AGXT: variants seen among roughly 807,000 people sequenced by gnomAD.
AGXT encodes the protein L-alanine: glyoxylate aminotransferase 1.
Under a neutral mutation model 46.9 loss-of-function variants are expected in AGXT, and 41 were observed. The observed-to-expected ratio is 0.88, with a 90% CI of 0.68 to 1.14. AGXT has a LOEUF of 1.14. Among genes scored for constraint, AGXT ranks in the 50% most tolerant of loss-of-function variants. AGXT has a pLI of 0.00. For synonymous variants in AGXT, 244 were observed against 227.9 expected, an observed-to-expected ratio of 1.07 and a Z score of -0.64; for missense variants, 525 against 522.7, an observed-to-expected ratio of 1.00 and a Z score of -0.04.
At chr2:240,869,906 C>G (rs958430736) in intron 2 of AGXT, among the ~76,000 whole-genome samples, 2 of 152,154 alleles carry the variant, frequency 1.3e-5, no homozygotes, top group Non-Finnish European at 2.9e-5. Context: ...TGAGGGACAT[C>G]AGCTTGGTGA....
chr2:240,870,587 A>T (rs533474445), intron 2 of AGXT, 57 bp from the exon 3 acceptor site: 170 of 1,544,398 alleles, frequency 1.1e-4, no homozygotes, highest in Admixed American at 1.0e-3. Flanking sequence ...CGGGTGCCCA[A>T]CACTGGCTTC....
chr2:240,875,479 G>T (rs1048714147), intron 7 of AGXT, among the ~76,000 whole-genome samples: 5 of 152,198 alleles, frequency 3.3e-5, no homozygotes, highest in Non-Finnish European at 5.9e-5. Context: ...ACACCCTCGG[G>T]CACTTTGGAC....
intron 2 of AGXT, among the ~76,000 whole-genome samples, chr2:240,869,766 T>G (rs1246497738): frequency 1.3e-5 from 2 of 152,196 alleles, no homozygotes; most frequent in African/African-American, 2.4e-5. Context: ...TCAGCAGCCT[T>G]CCTTCTGGAA....
chr2:240,869,628 G>A (rs759803516), intron 2 of AGXT, among the ~76,000 whole-genome samples: 24 of 152,158 alleles, frequency 1.6e-4, no homozygotes, highest in Non-Finnish European at 3.1e-4. Flanking sequence ...TGTGCAGGAC[G>A]GAACTACAGG....
At position 240,880,273 on chromosome 2, in the gene AGXT, A is replaced by T; in HGVS notation, c.*1452A>T. 6.6e-6 allele frequency: 1 copy of T among 151,956 alleles called. No individual in the cohort carries two copies. Among genetic ancestry groups the T allele is most frequent in the East Asian group, 1.9e-4 (1 of 5,186 alleles). The allele number at this position is 151,956 out of a possible 1,614,324, so 9.4% of individuals were successfully genotyped here. A position where few individuals can be genotyped will look rare whatever the true frequency, so the allele number is the denominator to read the frequency against. Reference sequence around the variant, plus strand: ...AGCGTCCAGGGTGCTCCACGTCCTCACCCACACTCCATGTTGTCTTTTTTT... The same window carrying T: ...AGCGTCCAGGGTGCTCCACGTCCTCTCCCACACTCCATGTTGTCTTTTTTT... On this transcript the variant is annotated 3_prime_UTR_variant, in exon 11 of 11. Coordinates refer to ENST00000307503, the MANE Select transcript of AGXT (RefSeq NM_000030.3).
rs750756092 is a variant in AGXT at position 240,878,092 on chromosome 2, A to T, written c.1013A>T (p.Tyr338Phe). ...AGYDWRDIVS[Y>F]VIDHFDIEIM... ...TATGACTGGAGAGACATCGTCAGCT[A>T]CGTCATAGACCACTTCGACATTGAG... The change falls in exon 10 of 11, where the codon TAC (tyrosine) becomes TTC (phenylalanine). Residue 338 changes from tyrosine to phenylalanine, a missense_variant. By Grantham distance (22) the Tyr-to-Phe change is conservative (BLOSUM62 3). Transcript: ENST00000307503. 6.2e-7 allele frequency: 1 copy of T among 1,613,364 alleles called. No individual in the cohort carries two copies. Among genetic ancestry groups the T allele is most frequent in the Non-Finnish European group, 8.5e-7 (1 of 1,180,006 alleles).
At chr2:240,875,006 C>A in intron 6 of AGXT, 103 bp from the exon 7 acceptor site, 1 of 1,095,742 alleles carries the variant, frequency 9.1e-7, no homozygotes, top group Non-Finnish European at 1.4e-6. Flanking sequence ...CTCCTGGGGG[C>A]CCCACCCCGT....
intron 3 of AGXT, 138 bp downstream of exon 3, chr2:240,870,846 G>T (rs900012101): frequency 1.0e-4 from 82 of 819,222 alleles, no homozygotes; most frequent in Non-Finnish European, 1.5e-4. Flanking sequence ...GCCCATCCTA[G>T]CATCTGGTGA....
In AGXT at chr2:240,871,421, C is replaced by A. The variant is rs543832032; in HGVS notation, c.496C>A (p.Leu166Ile). 4 of 1,597,678 alleles carry A rather than the reference C, an allele frequency of 2.5e-6. No homozygotes were observed. In the East Asian group the frequency reaches 9.1e-5, roughly 36 times the overall value. The part of the protein sequence containing the change: ...GESSTGVLQP[L>I]DGFGELCHRY... ...GTCGTCCACCGGCGTGCTGCAGCCCCTTGATGGCTTCGGGGAACTCTGCCA... is the reference window on the plus strand; with the variant it reads ...GTCGTCCACCGGCGTGCTGCAGCCCATTGATGGCTTCGGGGAACTCTGCCA... The change falls in exon 4 of 11, where the codon CTT (leucine) becomes ATT (isoleucine). Residue 166 changes from leucine (L) to isoleucine (I), a missense_variant. Transcript: ENST00000307503.
rs1354001671 is a variant in AGXT, at chr2:240,880,035, A to G, written c.*1214A>G. On this transcript the variant is annotated 3_prime_UTR_variant, in exon 11 of 11. Coordinates refer to ENST00000307503, the MANE Select transcript of AGXT (RefSeq NM_000030.3). ...TCATGATTTGTTGGTTCATCACCAT[A>G]GTTGAGCATCTGGGTTATTTCTATT... 6.6e-6 allele frequency: 1 copy of G among 152,224 alleles called. No individual in the cohort carries two copies. Among genetic ancestry groups the G allele is most frequent in the Non-Finnish European group, 1.5e-5 (1 of 68,056 alleles). 9.4% of individuals were successfully genotyped at this position (152,224 alleles called of 1,614,324 possible).
At position 240,869,220 on chromosome 2, in the gene AGXT, C is replaced by T; in HGVS notation, c.216C>T (p.Asn72=). Residue 72 remains asparagine, a synonymous_variant, in exon 2 of 11, where the codon AAC becomes AAT. Transcript: ENST00000307503. ...TCCAGTACGTGTTCCAGACCAGGAACCCACTCACACTGGTCATCTCTGGCT... is the reference window on the plus strand; with the variant it reads ...TCCAGTACGTGTTCCAGACCAGGAATCCACTCACACTGGTCATCTCTGGCT... ...EGIQYVFQTR[N]PLTLVISGSG... 3 of 1,613,946 alleles carry T rather than the reference C, an allele frequency of 1.9e-6. No homozygotes were observed. The highest frequency in any genetic ancestry group is 2.5e-6 in the Non-Finnish European group (3 of 1,180,022).
chr2:240,872,379 G>A (rs1206043596), intron 4 of AGXT, among the ~76,000 whole-genome samples: 47 of 142,886 alleles, frequency 3.3e-4, no homozygotes, highest in African/African-American at 1.2e-3. Flanking sequence ...GTGAGAGTTC[G>A]TGAACATGCA....
chr2:240,873,071 C>T (rs1398731707), intron 5 of AGXT, 22 bp downstream of exon 5: 1 of 1,607,012 alleles, frequency 6.2e-7, no homozygotes, highest in South Asian at 1.1e-5. Context: ...CTCTGAGAGC[C>T]CTACCCAGCC....
chr2:240,869,440 G>A (rs1014361636), intron 2 of AGXT, 78 bp downstream of exon 2: 3 of 1,471,508 alleles, frequency 2.0e-6, no homozygotes, highest in Non-Finnish European at 2.7e-6. Context: ...TTTGAAGCTG[G>A]CAGCCCCCGT....
At chr2:240,876,189 G>A (rs1042918067) in intron 8 of AGXT, among the ~76,000 whole-genome samples, 185 bp downstream of exon 8, 22 of 152,174 alleles carry the variant, frequency 1.4e-4, no homozygotes, top group African/African-American at 4.3e-4. Context: ...AGGGCCAGGG[G>A]GATACAGCCC....
At chr2:240,873,877 A>G in intron 5 of AGXT, 101 bp from the exon 6 acceptor site, 1 of 1,047,856 alleles carries the variant, frequency 9.5e-7, no homozygotes, top group Non-Finnish European at 1.5e-6. Context: ...GATTCGTGGT[A>G]GGGTCGTAGC....
rs180177161 is a variant in AGXT at position 240,878,721 on chromosome 2, G to A, written c.1079G>A (p.Arg360Gln). Reference protein sequence around the residue: ...GLGPSTGKVLRIGLLGCNATR... With the variant: ...GLGPSTGKVLQIGLLGCNATR... ...CCGCCCTGTGCCCCCCAGGTGCTGCGGATCGGCCTGCTGGGCTGCAATGCC... is the reference window on the plus strand; with the variant it reads ...CCGCCCTGTGCCCCCCAGGTGCTGCAGATCGGCCTGCTGGGCTGCAATGCC... Residue 360 changes from arginine (R) to glutamine (Q), a missense_variant, in exon 11 of 11, where the codon CGG (arginine) becomes CAG (glutamine). By Grantham distance (43) the Arg-to-Gln change is conservative. Coordinates refer to ENST00000307503, the MANE Select transcript of AGXT (RefSeq NM_000030.3). 16 of 1,560,348 alleles carry A rather than the reference G, an allele frequency of 1.0e-5. No individual in the cohort carries two copies. Among genetic ancestry groups the A allele is most frequent in the Non-Finnish European group, 1.3e-5 (15 of 1,156,428 alleles).
intron 2 of AGXT, among the ~76,000 whole-genome samples, chr2:240,870,311 G>A (rs1274148145): frequency 6.6e-6 from 1 of 152,128 alleles, no homozygotes; most frequent in Non-Finnish European, 1.5e-5. Context: ...TGCCAGCCCT[G>A]GGCCAGGTGC....
In AGXT at chr2:240,875,975, A is replaced by G; in HGVS notation, c.817A>G (p.Arg273Gly). The G allele has an allele frequency of 6.2e-7, 1 of 1,614,152 alleles. No homozygotes were observed. The highest frequency in any genetic ancestry group is 1.7e-5 in the Admixed American group (1 of 60,026). ...TIPVISLYSL[R>G]ESLALIAEQG... Reference sequence around the variant, plus strand: ...CCCCGTCATCAGCCTGTACAGCCTGAGAGAGAGCCTGGCCCTCATTGCGGA... The same window carrying G: ...CCCCGTCATCAGCCTGTACAGCCTGGGAGAGAGCCTGGCCCTCATTGCGGA... The change falls in exon 8 of 11, where the codon AGA becomes GGA. Residue 273 changes from arginine (R) to glycine (G), a missense_variant. Coordinates refer to ENST00000307503, the MANE Select transcript of AGXT (RefSeq NM_000030.3).
Sources: allele counts gnomAD v4.1 joint callset (sites outside exome capture counted in the v4.1 genomes callset), GRCh38; gene constraint gnomAD v4.1.1; transcripts MANE v1.5; gene names NCBI Gene and HGNC (gene_info 2026-07-23, HGNC 2026-07-21).